Variants in SMARCA2 observed in about 807,000 individuals in gnomAD.
The protein encoded by SMARCA2 is SWI/SNF related BAF chromatin remodeling complex subunit ATPase 2, also known as SWI/SNF-related matrix-associated actin-dependent regulator of chromatin subfamily A member 2.
Under a neutral mutation model 199.8 loss-of-function variants are expected in SMARCA2, and 61 were observed. The observed-to-expected ratio is 0.31, with a 90% CI of 0.25 to 0.38. The LOEUF (loss-of-function observed/expected upper bound fraction) is 0.38, where lower values mean the gene tolerates loss of function less well. Among genes scored for constraint, SMARCA2 ranks in the 10% least tolerant of loss-of-function variants. The probability of loss-of-function intolerance (pLI) is 1.00; values close to 1 mark genes in which losing one functional copy is unlikely to be tolerated. For missense variants in SMARCA2, 1,344 were observed against 2,012.2 expected, an observed-to-expected ratio of 0.67 and a Z score of 6.35; for synonymous variants, 935 against 732.0, an observed-to-expected ratio of 1.28 and a Z score of -4.48.
intron 27 of SMARCA2, among the ~76,000 whole-genome samples, chr9:2,126,861 C>T (rs563505789): frequency 3.3e-5 from 5 of 152,326 alleles, no homozygotes; most frequent in South Asian, 2.1e-4. Context: ...CCCTCCAGTT[C>T]GTGGTCAGCT....
chr9:2,108,695 T>C (rs1361087414), intron 23 of SMARCA2, among the ~76,000 whole-genome samples: 1 of 152,164 alleles, frequency 6.6e-6, no homozygotes, highest in East Asian at 1.9e-4. Flanking sequence ...GGAAAGATGA[T>C]AGAGAAGGTT....
At chr9:2,135,155 G>A (rs956055553) in intron 27 of SMARCA2, among the ~76,000 whole-genome samples, 1 of 152,166 alleles carries the variant, frequency 6.6e-6, no homozygotes, top group Non-Finnish European at 1.5e-5. Flanking sequence ...TATAAATCCT[G>A]GATTACGAAG....
chr9:2,113,009 CT>C (rs1823070259), intron 24 of SMARCA2, among the ~76,000 whole-genome samples: 1 of 152,208 alleles, frequency 6.6e-6, no homozygotes, highest in Non-Finnish European at 1.5e-5. Flanking sequence ...GGTTTGAGCT[CT>C]TTCTACCTTG....
chr9:2,165,441 A>C (rs1285795963), intron 28 of SMARCA2, among the ~76,000 whole-genome samples: 1 of 152,180 alleles, frequency 6.6e-6, no homozygotes, highest in South Asian at 2.1e-4. Context: ...CTGACCCTTA[A>C]GAGCCAGATA....
At chr9:2,144,254 G>A (rs558365942) in intron 27 of SMARCA2, among the ~76,000 whole-genome samples, 1 of 152,190 alleles carries the variant, frequency 6.6e-6, no homozygotes, top group Non-Finnish European at 1.5e-5. Flanking sequence ...CTGAGATAAT[G>A]AAATTTCAGG....
At chr9:2,079,994 A>G (rs1821496569) in intron 14 of SMARCA2, 1 of 152,072 alleles carries the variant, frequency 6.6e-6, no homozygotes, top group Non-Finnish European at 1.5e-5. Context: ...GTCTCTCTGG[A>G]TTTATACCTT....
chr9:2,066,943 C>G (rs1225819468), intron 9 of SMARCA2, among the ~76,000 whole-genome samples: 1 of 152,108 alleles, frequency 6.6e-6, no homozygotes, highest in Admixed American at 6.5e-5. Flanking sequence ...GTTTGTTTTG[C>G]TTTGTTTTTT....
chr9:2,085,001 A>G (rs940478644), intron 17 of SMARCA2, among the ~76,000 whole-genome samples: 1 of 152,164 alleles, frequency 6.6e-6, no homozygotes, highest in Admixed American at 6.5e-5. Flanking sequence ...AAGCACTATA[A>G]TCTGAAACTA....
chr9:2,036,439 T>G (rs1346880641), intron 3 of SMARCA2, among the ~76,000 whole-genome samples: 1 of 152,196 alleles, frequency 6.6e-6, no homozygotes, highest in East Asian at 1.9e-4. Flanking sequence ...CAGACCAATG[T>G]ATATTCACTC....
intron 9 of SMARCA2, among the ~76,000 whole-genome samples, chr9:2,066,501 C>T (rs1295698910): frequency 6.6e-6 from 1 of 152,192 alleles, no homozygotes; most frequent in Non-Finnish European, 1.5e-5. Context: ...ATTGGGAACA[C>T]ACACTGTCTT....
chr9:2,167,664 C>T (rs3829074), intron 28 of SMARCA2, among the ~76,000 whole-genome samples: 109,653 of 152,196 alleles, frequency 0.72, 40,597 homozygotes, highest in African/African-American at 0.91. Flanking sequence ...TTAATAAGCC[C>T]TTGTGGTATC....
At chr9:2,155,529 C>A (rs1039571594) in intron 27 of SMARCA2, among the ~76,000 whole-genome samples, 1 of 152,096 alleles carries the variant, frequency 6.6e-6, no homozygotes, top group Admixed American at 6.5e-5. Flanking sequence ...GATCCACCCG[C>A]CTTGGCCTCC....
At chr9:2,041,659 G>A in intron 4 of SMARCA2, 1 of 352,514 alleles carries the variant, frequency 2.8e-6, no homozygotes, top group South Asian at 1.5e-4. Context: ...TTCATCTCCA[G>A]AATTTCTGTG....
At chr9:2,174,558 G>A (rs1032065598) in intron 29 of SMARCA2, among the ~76,000 whole-genome samples, 1 of 152,164 alleles carries the variant, frequency 6.6e-6, no homozygotes, top group African/African-American at 2.4e-5. Flanking sequence ...TTTGTCTGCA[G>A]AAGCTTTGTG....
At chr9:2,037,499 C>CT (rs1423716609) in intron 3 of SMARCA2, among the ~76,000 whole-genome samples, 6 of 152,180 alleles carry the variant, frequency 3.9e-5, no homozygotes, top group African/African-American at 1.4e-4. Flanking sequence ...GGGGATCACG[C>CT]TAAATCTGCC....
rs201731141 is a variant in SMARCA2 at position 2,119,452 on chromosome 9, C to A, written c.3685-6C>A. ...CTGGTTAAAATCACTCTGTTTTTAA[C>A]CCCAGGAAGAAGATGAAGTACCGGA... On this transcript the variant is annotated splice_region_variant and splice_polypyrimidine_tract_variant and intron_variant, in intron 25 of 33. Coordinates refer to ENST00000349721, the MANE Select transcript of SMARCA2 (RefSeq NM_003070.5). The surrounding 1 kb of genome is among the most constrained non-coding windows in gnomAD (Gnocchi z 4.6). The A allele has an allele frequency of 3.4e-4, 550 of 1,606,876 alleles. No individual in the cohort carries two copies. The highest frequency in any genetic ancestry group is 4.1e-4 in the Non-Finnish European group (476 of 1,173,500).
intron 1 of SMARCA2, among the ~76,000 whole-genome samples, chr9:2,024,818 C>T (rs1563713074): frequency 6.6e-6 from 1 of 152,198 alleles, no homozygotes; most frequent in African/African-American, 2.4e-5. Context: ...TTTGGGCAAG[C>T]CATGTTTTCC....
At chr9:2,155,049 C>T (rs1422685992) in intron 27 of SMARCA2, among the ~76,000 whole-genome samples, 1 of 152,144 alleles carries the variant, frequency 6.6e-6, no homozygotes, top group African/African-American at 2.4e-5. Context: ...TTTTTTGATT[C>T]TACCCCAGGG....
intron 27 of SMARCA2, chr9:2,160,398 A>T: frequency 1.8e-6 from 1 of 541,398 alleles, no homozygotes; most frequent in Non-Finnish European, 3.3e-6. Flanking sequence ...ACATTGGAGG[A>T]TGCGTAGAAA....
Sources: allele counts gnomAD v4.1 joint callset (sites outside exome capture counted in the v4.1 genomes callset), GRCh38; gene constraint gnomAD v4.1.1; non-coding constraint Gnocchi (gnomAD v3.1); transcripts MANE v1.5; gene names NCBI Gene and HGNC (gene_info 2026-07-23, HGNC 2026-07-21).